CDC42SE1: variants seen among roughly 807,000 people sequenced by gnomAD.
The protein encoded by CDC42SE1 is CDC42 small effector 1.
CDC42SE1 carries 10 observed loss-of-function variants against 10.9 expected under a neutral mutation model. The observed-to-expected ratio is 0.92, with a 90% confidence interval of 0.57 to 1.56. The LOEUF (loss-of-function observed/expected upper bound fraction) is 1.56. Among genes scored for constraint, CDC42SE1 ranks in the 40% most tolerant of loss-of-function variants. The pLI is 0.00. For missense variants in CDC42SE1, 81 were observed against 100.8 expected (o/e 0.80, Z 0.84); for synonymous variants, 24 against 32.0 (o/e 0.75, Z 0.85).
Position 151,055,668 on chromosome 1 carries a change from G to A in CDC42SE1, c.54+9C>T. On this transcript the variant is annotated intron_variant, in intron 2 of 4. Transcript: ENST00000357235. ...TCTTTGGGTTAGGATGGGGGGTGGG[G>A]AGACTCACCGGCTGGGGTTTCTCTA... The A allele has an allele frequency of 6.8e-6, 11 of 1,610,124 alleles. No individual in the cohort carries two copies. The highest frequency in any genetic ancestry group is 2.2e-5 in the East Asian group (1 of 44,828).
chr1:151,056,183 A>T (rs182487305), intron 1 of CDC42SE1, among the ~76,000 whole-genome samples, 190 bp from the exon 2 acceptor site: 2 of 152,258 alleles, frequency 1.3e-5, no homozygotes, highest in African/African-American at 4.8e-5. Context: ...AACCAAAAGG[A>T]CACCAAGGGG....
intron 3 of CDC42SE1, 124 bp from the exon 4 acceptor site, chr1:151,054,445 C>G (rs1676243014): frequency 1.3e-6 from 1 of 767,534 alleles, no homozygotes; most frequent in African/African-American, 1.7e-5. Context: ...ATCTGCTAAC[C>G]ACCATTCCTC....
intron 3 of CDC42SE1, among the ~76,000 whole-genome samples, chr1:151,054,777 G>GAT (rs1676247930): frequency 1.3e-5 from 2 of 152,044 alleles, no homozygotes; most frequent in Non-Finnish European, 2.9e-5. Flanking sequence ...CAACTATTAA[G>GAT]ATATATATAC....
rs1271805408 is a variant in CDC42SE1, at chr1:151,052,894, G to A, written c.*450C>T. The A allele has an allele frequency of 6.6e-6, 1 of 152,246 alleles. No individual in the cohort carries two copies. The highest frequency in any genetic ancestry group is 1.5e-5 in the Non-Finnish European group (1 of 68,094). 9.4% of individuals were successfully genotyped at this position (152,246 alleles called of 1,614,324 possible). A position where few individuals can be genotyped will look rare whatever the true frequency, so the allele number is the denominator to read the frequency against. ...TTTAGTTCATTCCAGCAGGAAGGAG[G>A]AGAAGGGCAGGGAGGTAGGGAGCTT... On this transcript the variant is annotated 3_prime_UTR_variant, in exon 5 of 5. Coordinates refer to ENST00000357235, the MANE Select transcript of CDC42SE1 (RefSeq NM_020239.4).
chr1:151,055,302 A>G, intron 2 of CDC42SE1, 176 bp from the exon 3 acceptor site: 1 of 609,406 alleles, frequency 1.6e-6, no homozygotes, highest in Non-Finnish European at 2.9e-6. Context: ...CAACAAAAGC[A>G]CACAGAAGAC....
At chr1:151,055,546 T>C (rs767096582) in intron 2 of CDC42SE1, 131 bp downstream of exon 2, 65 of 758,324 alleles carry the variant, frequency 8.6e-5, no homozygotes, top group Middle Eastern at 2.3e-4. Context: ...TGCCTGACCA[T>C]AGAAGCTCCT....
intron 3 of CDC42SE1, 132 bp from the exon 4 acceptor site, chr1:151,054,453 C>T (rs997926111): frequency 2.8e-6 from 2 of 722,476 alleles, no homozygotes; most frequent in African/African-American, 1.8e-5. Context: ...ACCACCATTC[C>T]TCCTAGGGGA....
chr1:151,058,356 G>C (rs1181980950), intron 1 of CDC42SE1: 1 of 152,648 alleles, frequency 6.6e-6, no homozygotes, highest in Non-Finnish European at 1.5e-5. Flanking sequence ...GGGTGAATGT[G>C]ATGGTAGCGC....
Position 151,055,661 on chromosome 1 carries a change from G to A in CDC42SE1, c.54+16C>T. On this transcript the variant is annotated intron_variant, in intron 2 of 4. Transcript: ENST00000357235. ...TGACTGCTCTTTGGGTTAGGATGGG[G>A]GGTGGGGAGACTCACCGGCTGGGGT... 6.2e-7 allele frequency: 1 copy of A among 1,606,594 alleles called. No individual in the cohort carries two copies. The highest frequency in any genetic ancestry group is 8.5e-7 in the Non-Finnish European group (1 of 1,173,820).
chr1:151,053,915 C>T (rs1289686156), intron 4 of CDC42SE1, among the ~76,000 whole-genome samples: 5 of 152,130 alleles, frequency 3.3e-5, no homozygotes, highest in East Asian at 1.9e-4. Context: ...CTGTAACCTC[C>T]GCCTCCCAGG....
chr1:151,051,155 C>T lies in CDC42SE1; in HGVS notation c.*2189G>A, dbSNP rs1444850115. 4.6e-5 allele frequency: 7 copies of T among 151,902 alleles called. No individual in the cohort carries two copies. Among genetic ancestry groups the T allele is most frequent in the African/African-American group, 1.7e-4 (7 of 41,428 alleles). 9.4% of individuals were successfully genotyped at this position (151,902 alleles called of 1,614,324 possible). ...CAAAGGAAAAAGACTGTCCAAAGAACAGGTATTAGAATGAGGCCGAAGATC... is the reference window on the plus strand; with the variant it reads ...CAAAGGAAAAAGACTGTCCAAAGAATAGGTATTAGAATGAGGCCGAAGATC... On this transcript the variant is annotated 3_prime_UTR_variant, in exon 5 of 5. Transcript: ENST00000357235.
intron 3 of CDC42SE1, 137 bp downstream of exon 3, chr1:151,054,879 A>G (rs587748010): frequency 5.0e-5 from 32 of 644,372 alleles, no homozygotes; most frequent in Non-Finnish European, 6.6e-5. Context: ...GGTTTCCACA[A>G]CTGGTGACCA....
chr1:151,055,359 CAAAGA>C, intron 2 of CDC42SE1: 1 of 592,236 alleles, frequency 1.7e-6, no homozygotes, highest in Non-Finnish European at 3.0e-6. Flanking sequence ...GAACACTGGA[CAAAGA>C]AAGGACATGT....
At chr1:151,054,932 A>T (rs891297692) in intron 3 of CDC42SE1, 84 bp downstream of exon 3, 1 of 1,001,942 alleles carries the variant, frequency 1.0e-6, no homozygotes, top group Non-Finnish European at 1.6e-6. Context: ...GAGTATTTTC[A>T]TATGTCCCTA....
chr1:151,056,003 AAG>A lies in CDC42SE1; in HGVS notation c.-263-12_-263-11del. ...CCTCAGACTCGGAACCCTGGATTAG[AAG>A]AAAGTAAAAAGAAAGATCAGTGAGA... On this transcript the variant is annotated splice_polypyrimidine_tract_variant and intron_variant, in intron 1 of 4. Coordinates refer to ENST00000357235, the MANE Select transcript of CDC42SE1 (RefSeq NM_020239.4). 1 of 508,168 alleles carries A rather than the reference AAG, an allele frequency of 2.0e-6. No individual in the cohort carries two copies. The highest frequency in any genetic ancestry group is 2.4e-5 in the South Asian group (1 of 42,528). The allele number at this position is 508,168 out of a possible 1,614,324, so 31.5% of individuals were successfully genotyped here.
At chr1:151,056,039 C>A in intron 1 of CDC42SE1, 46 bp from the exon 2 acceptor site, 1 of 423,152 alleles carries the variant, frequency 2.4e-6, no homozygotes, top group East Asian at 4.7e-5. Flanking sequence ...GAAATCTCCC[C>A]CTCCCCCAAT....
intron 1 of CDC42SE1, chr1:151,056,650 C>T (rs1676283547): frequency 6.6e-6 from 1 of 152,142 alleles, no homozygotes; most frequent in African/African-American, 2.4e-5. Context: ...TCCTTTATTA[C>T]CTGACCTTGA....
rs587593844 is a variant in CDC42SE1 at position 151,055,601 on chromosome 1, C to A, written c.54+76G>T. 2.4e-5 allele frequency: 29 copies of A among 1,224,396 alleles called. No homozygotes were observed. In the African/African-American group the frequency reaches 3.9e-4, roughly 16 times the overall value. 75.8% of individuals were successfully genotyped at this position (1,224,396 alleles called of 1,614,324 possible). A position where few individuals can be genotyped will look rare whatever the true frequency, so the allele number is the denominator to read the frequency against. On this transcript the variant is annotated intron_variant, in intron 2 of 4. Transcript: ENST00000357235. Reference sequence around the variant, plus strand: ...AGTGTGCTTTTTTAGATGGCAGATCCTAGATGGTGTGGCTACCTCACAGCA... The same window carrying A: ...AGTGTGCTTTTTTAGATGGCAGATCATAGATGGTGTGGCTACCTCACAGCA...
At position 151,054,880 on chromosome 1, in the gene CDC42SE1, C is replaced by G. The variant is rs587647669; in HGVS notation, c.165+136G>C. ...AATGCCAGGTCTCGGGTTTCCACAA[C>G]TGGTGACCAGGACTAGAATCCCAGG... On this transcript the variant is annotated intron_variant, in intron 3 of 4. Transcript: ENST00000357235. The G allele has an allele frequency of 1.6e-4, 102 of 647,938 alleles. 1 individual carries two copies. In the East Asian group the frequency reaches 2.8e-3, roughly 18 times the overall value. 40.1% of individuals were successfully genotyped at this position (647,938 alleles called of 1,614,324 possible). A position where few individuals can be genotyped will look rare whatever the true frequency, so the allele number is the denominator to read the frequency against.
Sources: gnomAD v4.1 joint callset for allele counts (sites outside exome capture counted in the v4.1 genomes callset) on GRCh38, gnomAD v4.1.1 for gene constraint, MANE v1.5 for transcripts, NCBI Gene and HGNC (gene_info 2026-07-23, HGNC 2026-07-21) for gene names.